Variants in ERC2 observed in about 807,000 individuals in gnomAD.
ERC2 encodes the protein ELKS/RAB6-interacting/CAST family member 2.
A neutral mutation model predicts 114.8 loss-of-function variants in ERC2; 42 were observed. The ratio of observed to expected loss-of-function variants is 0.37; its 90% CI spans 0.29 to 0.47. The LOEUF is 0.47. Among genes scored for constraint, ERC2 ranks in the 20% least tolerant of loss-of-function variants. The pLI is 0.99. For synonymous variants in ERC2, 454 were observed against 425.5 expected (o/e 1.07, Z -0.82); for missense variants, 939 against 1,150.7 (o/e 0.82, Z 2.66).
intron 2 of ERC2, among the ~76,000 whole-genome samples, chr3:56,374,089 TTTTG>T (rs112631533): frequency 7.9e-5 from 12 of 151,904 alleles, no homozygotes; most frequent in Admixed American, 3.9e-4. Flanking sequence ...CATCCAGTGT[TTTTG>T]TTTGTTTGTT....
At chr3:55,609,025 A>G (rs2058765766) in intron 17 of ERC2, among the ~76,000 whole-genome samples, 2 of 152,190 alleles carry the variant, frequency 1.3e-5, no homozygotes, top group South Asian at 4.1e-4. Context: ...TGATTTTTTT[A>G]TAACCACTCT....
intron 7 of ERC2, among the ~76,000 whole-genome samples, chr3:56,053,356 C>T (rs2075859022): frequency 6.6e-6 from 1 of 152,084 alleles, no homozygotes; most frequent in Non-Finnish European, 1.5e-5. Context: ...AAAGAGGAGA[C>T]TGTGAGGGAT....
At chr3:55,632,266 A>T (rs988427145) in intron 17 of ERC2, among the ~76,000 whole-genome samples, 5 of 152,232 alleles carry the variant, frequency 3.3e-5, no homozygotes, top group African/African-American at 1.2e-4. Context: ...GTGGCAATTA[A>T]CACTGTGGAT....
At chr3:55,926,881 T>C (rs1263931215) in intron 13 of ERC2, among the ~76,000 whole-genome samples, 33 of 152,308 alleles carry the variant, frequency 2.2e-4, no homozygotes. Flanking sequence ...CATAATACAG[T>C]TCCTGGCACT....
chr3:56,288,052 T>A (rs960750753), intron 3 of ERC2, among the ~76,000 whole-genome samples: 1 of 152,182 alleles, frequency 6.6e-6, no homozygotes, highest in Non-Finnish European at 1.5e-5. Flanking sequence ...TAATGGAATG[T>A]GTTTATAGGC....
intron 2 of ERC2, among the ~76,000 whole-genome samples, chr3:56,366,469 C>T (rs1001902204): frequency 3.9e-5 from 6 of 152,188 alleles, no homozygotes; most frequent in African/African-American, 1.4e-4. Flanking sequence ...CCATGAGGCC[C>T]CTTGTGCCTT....
chr3:55,915,042 A>G (rs1214497042), intron 13 of ERC2, among the ~76,000 whole-genome samples: 2 of 152,136 alleles, frequency 1.3e-5, no homozygotes, highest in African/African-American at 2.4e-5. Context: ...CGCATATTTC[A>G]TACACACTTT....
At chr3:56,083,663 T>G (rs1237211498) in intron 6 of ERC2, among the ~76,000 whole-genome samples, 1 of 152,138 alleles carries the variant, frequency 6.6e-6, no homozygotes, top group Non-Finnish European at 1.5e-5. Flanking sequence ...AACACCAACC[T>G]GGGAACTAAA....
intron 14 of ERC2, among the ~76,000 whole-genome samples, chr3:55,795,821 CA>C (rs996437553): frequency 6.6e-6 from 1 of 152,082 alleles, no homozygotes; most frequent in African/African-American, 2.4e-5. Context: ...ATGTGGACAC[CA>C]ATAACAGTAC....
chr3:55,622,120 T>C (rs1344019203), intron 17 of ERC2, among the ~76,000 whole-genome samples: 1 of 152,224 alleles, frequency 6.6e-6, no homozygotes, highest in African/African-American at 2.4e-5. Flanking sequence ...CCAGACTAAC[T>C]TGACAGACAT....
chr3:56,151,651 G>A (rs1272333278), intron 4 of ERC2, among the ~76,000 whole-genome samples: 2 of 152,082 alleles, frequency 1.3e-5, no homozygotes, highest in African/African-American at 2.4e-5. Context: ...AATTTAGAGG[G>A]AAGGAATTTT....
rs1043052090 is a variant in ERC2, at chr3:55,508,368, C to T, written c.*2948G>A. On this transcript the variant is annotated 3_prime_UTR_variant, in exon 18 of 18. Transcript: ENST00000288221. ...TAAATAAGGCGATCAGCACAAAGTACTTCTCATACACATGACAACAAATTT... is the reference window on the plus strand; with the variant it reads ...TAAATAAGGCGATCAGCACAAAGTATTTCTCATACACATGACAACAAATTT... The T allele has an allele frequency of 6.6e-6, 1 of 152,638 alleles. No homozygotes were observed. The highest frequency in any genetic ancestry group is 2.4e-5 in the African/African-American group (1 of 41,454). 9.5% of individuals were successfully genotyped at this position (152,638 alleles called of 1,614,324 possible). A position where few individuals can be genotyped will look rare whatever the true frequency, so the allele number is the denominator to read the frequency against.
intron 2 of ERC2, among the ~76,000 whole-genome samples, chr3:56,401,784 G>A (rs2060529128): frequency 6.6e-6 from 1 of 152,306 alleles, no homozygotes; most frequent in Non-Finnish European, 1.5e-5. Context: ...TTTTATTGAA[G>A]CAGCAGTGTA....
At chr3:55,916,680 C>T (rs73831808) in intron 13 of ERC2, among the ~76,000 whole-genome samples, 31 of 152,268 alleles carry the variant, frequency 2.0e-4, no homozygotes, top group African/African-American at 7.5e-4. Context: ...TAGGTTGGCT[C>T]CTGACTGTTA....
chr3:56,098,927 G>A (rs1203632218), intron 6 of ERC2, among the ~76,000 whole-genome samples: 6 of 152,168 alleles, frequency 3.9e-5, no homozygotes, highest in East Asian at 3.9e-4. Flanking sequence ...TTTAGTACCT[G>A]TAATGAGTTG....
At chr3:56,250,890 T>C (rs143229318) in intron 3 of ERC2, among the ~76,000 whole-genome samples, 1 of 152,192 alleles carries the variant, frequency 6.6e-6, no homozygotes, top group African/African-American at 2.4e-5. Flanking sequence ...CAGTGAAAGA[T>C]GGACTAACTG....
intron 17 of ERC2, among the ~76,000 whole-genome samples, chr3:55,600,202 T>C (rs954227009): frequency 7.2e-5 from 11 of 152,112 alleles, no homozygotes; most frequent in African/African-American, 2.7e-4. Context: ...CTGAGGATAA[T>C]AGATGCTCTA....
chr3:56,149,760 T>C (rs2081321504), intron 4 of ERC2, among the ~76,000 whole-genome samples: 2 of 152,168 alleles, frequency 1.3e-5, no homozygotes, highest in Admixed American at 1.3e-4. Flanking sequence ...TGGCGAGCAG[T>C]CAGGTCCCTA....
chr3:55,660,996 G>A (rs1225606784), intron 17 of ERC2, among the ~76,000 whole-genome samples: 1 of 152,046 alleles, frequency 6.6e-6, no homozygotes, highest in Non-Finnish European at 1.5e-5. Flanking sequence ...TATAACATTG[G>A]GCCCTTACCC....
Sources: gnomAD v4.1 joint callset for allele counts (sites outside exome capture counted in the v4.1 genomes callset) on GRCh38, gnomAD v4.1.1 for gene constraint, MANE v1.5 for transcripts, NCBI Gene and HGNC (gene_info 2026-07-23, HGNC 2026-07-21) for gene names.